The following LSAMP variants were observed in gnomAD, a reference collection of about 807,000 sequenced individuals.
LSAMP encodes limbic system-associated membrane protein.
In LSAMP, 7 loss-of-function variants were observed where a neutral mutation model predicts 38.6. That is an observed-to-expected ratio of 0.18 (90% CI 0.10 to 0.34). The LOEUF (loss-of-function observed/expected upper bound fraction) is 0.34, where lower values mean the gene tolerates loss of function less well. Ranked by LOEUF, LSAMP falls within the 10% of genes least tolerant of loss-of-function variation. The pLI, the probability that LSAMP is intolerant of heterozygous loss-of-function variation, is 1.00. For missense variants in LSAMP, 313 were observed against 420.0 expected (o/e 0.75, Z 2.23); for synonymous variants, 154 against 166.8 (o/e 0.92, Z 0.59).
At chr3:116,351,084 T>C (rs1032542095) in intron 1 of LSAMP, among the ~76,000 whole-genome samples, 6 of 151,966 alleles carry the variant, frequency 3.9e-5, no homozygotes, top group Admixed American at 3.3e-4. Context: ...AACCTCTTTT[T>C]TTTTCAGCCC....
intron 2 of LSAMP, among the ~76,000 whole-genome samples, chr3:116,021,785 G>T (rs1940644736): frequency 6.7e-6 from 1 of 149,884 alleles, no homozygotes; most frequent in African/African-American, 2.5e-5. Context: ...TACCTGTGGT[G>T]CAATTGACTC....
intron 1 of LSAMP, among the ~76,000 whole-genome samples, chr3:116,240,415 A>T (rs2046517444): frequency 6.6e-6 from 1 of 152,226 alleles, no homozygotes; most frequent in Non-Finnish European, 1.5e-5. Context: ...TAGCAAGATT[A>T]AAAAAGACAA....
At chr3:115,836,385 G>T (rs147831570) in intron 6 of LSAMP, among the ~76,000 whole-genome samples, 2,519 of 152,304 alleles carry the variant, frequency 0.017, 24 homozygotes, top group Middle Eastern at 0.02. Flanking sequence ...GCAGGATCTT[G>T]TAAGAGTGTA....
At chr3:116,066,558 T>G (rs1035700685) in intron 2 of LSAMP, among the ~76,000 whole-genome samples, 1 of 152,224 alleles carries the variant, frequency 6.6e-6, no homozygotes, top group Non-Finnish European at 1.5e-5. Flanking sequence ...AATTCTAACC[T>G]GGTTACCTTT....
intron 2 of LSAMP, among the ~76,000 whole-genome samples, chr3:116,079,317 C>T (rs551987695): frequency 2.0e-5 from 3 of 152,278 alleles, no homozygotes; most frequent in Admixed American, 1.3e-4. Context: ...GATTGGGCTG[C>T]TCTTCCACAA....
At chr3:115,929,560 G>A (rs1937548423) in intron 3 of LSAMP, among the ~76,000 whole-genome samples, 1 of 151,968 alleles carries the variant, frequency 6.6e-6, no homozygotes, top group African/African-American at 2.4e-5. Flanking sequence ...ATCAAACAGG[G>A]AGAATATGGT....
intron 1 of LSAMP, among the ~76,000 whole-genome samples, chr3:116,294,538 T>C (rs557284871): frequency 6.6e-6 from 1 of 152,296 alleles, no homozygotes; most frequent in African/African-American, 2.4e-5. Flanking sequence ...AGATTTTTTT[T>C]GGTTACCATA....
intron 3 of LSAMP, among the ~76,000 whole-genome samples, chr3:115,854,913 A>C (rs1306041843): frequency 6.6e-6 from 1 of 152,236 alleles, no homozygotes; most frequent in African/African-American, 2.4e-5. Flanking sequence ...AGCATTATTT[A>C]TTTTGAGAAT....
intron 3 of LSAMP, among the ~76,000 whole-genome samples, chr3:115,903,335 CT>C (rs892616424): frequency 1.3e-5 from 2 of 152,028 alleles, no homozygotes; most frequent in African/African-American, 4.8e-5. Flanking sequence ...TGGGGCATCC[CT>C]GAGGGTGGAG....
At chr3:116,145,400 A>G (rs1709468307) in intron 1 of LSAMP, among the ~76,000 whole-genome samples, 1 of 151,966 alleles carries the variant, frequency 6.6e-6, no homozygotes, top group South Asian at 2.1e-4. Context: ...CAAGTCTAAA[A>G]TTTGCAGATG....
intron 1 of LSAMP, among the ~76,000 whole-genome samples, chr3:116,391,199 A>G (rs953366517): frequency 1.3e-5 from 2 of 152,012 alleles, no homozygotes; most frequent in African/African-American, 4.8e-5. Context: ...TGATGTCAGC[A>G]GCGGACCGTC....
intron 1 of LSAMP, among the ~76,000 whole-genome samples, chr3:116,272,489 T>G (rs1576473824): frequency 2.0e-5 from 3 of 152,194 alleles, no homozygotes; most frequent in African/African-American, 7.2e-5. Context: ...ACTACTCAAA[T>G]TGGTCATATC....
chr3:116,008,698 T>C (rs1328281000), intron 3 of LSAMP, among the ~76,000 whole-genome samples: 2 of 151,844 alleles, frequency 1.3e-5, no homozygotes, highest in Non-Finnish European at 2.9e-5. Flanking sequence ...TTTTTTTTTT[T>C]CTCTTTTCAT....
rs28755964 is a variant in LSAMP, at chr3:116,440,342, C to T, written c.155+4535G>A. 4.1e-3 allele frequency among the ~76,000 whole-genome samples: 625 copies of T among 152,270 alleles called. 4 individuals are homozygous for T. Among genetic ancestry groups the T allele is most frequent in the African/African-American group, 0.014 (579 of 41,550 alleles). ...GTAAAATGCACTAATCCTTTTTGGG[C>T]AGAGTTTGCTGTTATGTGGAATCAG... On this transcript the variant is annotated intron_variant, in intron 1 of 6. Transcript: ENST00000490035.
rs2046488787 is a variant in LSAMP, at chr3:116,238,172, T to C, written c.156-151616A>G. The stretch of plus-strand genomic sequence containing the variant: ...CTATGAACACCTGAGTAATCAATCC[T>C]CATAGGATCCCCGTATTTATCACCA... On this transcript the variant is annotated intron_variant, in intron 1 of 6. Coordinates refer to ENST00000490035, the MANE Select transcript of LSAMP (RefSeq NM_002338.5). 2.6e-5 allele frequency among the ~76,000 whole-genome samples: 4 copies of C among 152,174 alleles called. No individual in the cohort carries two copies. The South Asian group carries it at 8.3e-4, about 32-fold the overall frequency.
intron 1 of LSAMP, among the ~76,000 whole-genome samples, chr3:116,390,566 A>C (rs968335897): frequency 6.6e-6 from 1 of 151,962 alleles, no homozygotes; most frequent in Non-Finnish European, 1.5e-5. Context: ...GCAATGGAAG[A>C]AAAGGCAAGG....
intron 1 of LSAMP, among the ~76,000 whole-genome samples, chr3:116,156,526 T>C (rs1709753076): frequency 1.3e-5 from 2 of 152,118 alleles, no homozygotes; most frequent in Non-Finnish European, 2.9e-5. Flanking sequence ...TGTGATGTGA[T>C]GGTGATATTG....
chr3:115,909,080 C>T (rs960573129), intron 3 of LSAMP, among the ~76,000 whole-genome samples: 1 of 152,174 alleles, frequency 6.6e-6, no homozygotes, highest in African/African-American at 2.4e-5. Flanking sequence ...GCTATACTGC[C>T]TTCCCTGTCC....
rs1191882192 is a variant in LSAMP at position 115,804,485 on chromosome 3, A to C, written c.*5832T>G. ...TCAATACACCTTCTACCTCACTTTA[A>C]AGTTGTCAGTTTATCTTAGATGATG... On this transcript the variant is annotated 3_prime_UTR_variant, in exon 7 of 7. Transcript: ENST00000490035. The C allele has an allele frequency of 6.6e-6, 1 of 152,120 alleles. No individual in the cohort carries two copies. The highest frequency in any genetic ancestry group is 6.6e-5 in the Admixed American group (1 of 15,266). The allele number at this position is 152,120 out of a possible 1,614,324, so 9.4% of individuals were successfully genotyped here.
Sources: gnomAD v4.1 joint callset for allele counts (sites outside exome capture counted in the v4.1 genomes callset) on GRCh38, gnomAD v4.1.1 for gene constraint, MANE v1.5 for transcripts, NCBI Gene and HGNC (gene_info 2026-07-23, HGNC 2026-07-21) for gene names.